ORC3: variants seen among roughly 807,000 people sequenced by gnomAD.
The protein encoded by ORC3 is origin recognition complex subunit 3.
ORC3 carries 78 observed loss-of-function variants against 100.7 expected under a neutral mutation model. The ratio of observed to expected loss-of-function variants is 0.77; its 90% CI spans 0.65 to 0.94. The LOEUF (loss-of-function observed/expected upper bound fraction) is 0.94. ORC3 is among the 40% of genes least tolerant of loss of function. The probability of loss-of-function intolerance (pLI) is 0.00; values close to 1 mark genes in which losing one functional copy is unlikely to be tolerated. For synonymous variants in ORC3, 295 were observed against 289.3 expected, an observed-to-expected ratio of 1.02 and a Z score of -0.20; for missense variants, 789 against 823.9, an observed-to-expected ratio of 0.96 and a Z score of 0.52.
intron 16 of ORC3, among the ~76,000 whole-genome samples, chr6:87,658,774 C>T (rs915936607): frequency 1.3e-5 from 2 of 152,142 alleles, no homozygotes; most frequent in African/African-American, 4.8e-5. Context: ...TGCCAGTGCA[C>T]CTCATTATCA....
chr6:87,605,668 C>T (rs1422846383), intron 4 of ORC3, among the ~76,000 whole-genome samples: 1 of 151,554 alleles, frequency 6.6e-6, no homozygotes, highest in Admixed American at 6.6e-5. Context: ...AAAAAAGAAG[C>T]TTTCAAGTGC....
In ORC3 at chr6:87,612,176, A is replaced by G. The variant is rs779345417; in HGVS notation, c.801A>G (p.Val267=). 2 of 1,613,542 alleles carry G rather than the reference A, an allele frequency of 1.2e-6. No homozygotes were observed. The highest frequency in any genetic ancestry group is 2.2e-5 in the East Asian group (1 of 44,796). ...TCCACCGATTGCTTCCTCATGCAGTATCATCTCTATTGTGCATAGAACTGT... is the reference window on the plus strand; with the variant it reads ...TCCACCGATTGCTTCCTCATGCAGTGTCATCTCTATTGTGCATAGAACTGT... ...IIIHRLLPHA[V]SSLLCIELFQ... The change falls in exon 8 of 20, where the codon GTA becomes GTG. Residue 267 remains valine, a synonymous_variant. Coordinates refer to ENST00000392844, the MANE Select transcript of ORC3 (RefSeq NM_012381.4).
At chr6:87,645,374 G>A (rs191772212) in intron 13 of ORC3, among the ~76,000 whole-genome samples, 2 of 152,238 alleles carry the variant, frequency 1.3e-5, no homozygotes, top group Non-Finnish European at 2.9e-5. Flanking sequence ...CTTAGGAGGC[G>A]ATACACATAC....
At chr6:87,598,131 G>C (rs1318756085) in intron 2 of ORC3, among the ~76,000 whole-genome samples, 2 of 152,100 alleles carry the variant, frequency 1.3e-5, no homozygotes, top group Non-Finnish European at 2.9e-5. Flanking sequence ...CTGGGCTCCG[G>C]GAATCCTCCT....
intron 13 of ORC3, among the ~76,000 whole-genome samples, chr6:87,646,010 G>T: frequency 1.4e-5 from 2 of 139,550 alleles, no homozygotes; most frequent in African/African-American, 2.7e-5. Flanking sequence ...TTTTTGAGGC[G>T]GAGTCTTGCG....
chr6:87,596,411 G>C (rs1396273673), intron 2 of ORC3, among the ~76,000 whole-genome samples: 1 of 151,480 alleles, frequency 6.6e-6, no homozygotes. Context: ...AGGATTACAG[G>C]TGTGAGTCAC....
chr6:87,615,902 C>A (rs1779120914), intron 8 of ORC3, among the ~76,000 whole-genome samples: 1 of 151,752 alleles, frequency 6.6e-6, no homozygotes, highest in Non-Finnish European at 1.5e-5. Flanking sequence ...GTTTCTCATT[C>A]AACAATACAT....
At chr6:87,591,994 G>A (rs893738667) in intron 1 of ORC3, among the ~76,000 whole-genome samples, 10 of 152,170 alleles carry the variant, frequency 6.6e-5, no homozygotes, top group African/African-American at 2.4e-4. Flanking sequence ...GCCTCCCAAA[G>A]TGCTAGGATT....
At chr6:87,626,787 CAAAA>C (rs11321781) in intron 11 of ORC3, among the ~76,000 whole-genome samples, 4 of 123,464 alleles carry the variant, frequency 3.2e-5, no homozygotes, top group Non-Finnish European at 3.5e-5. Flanking sequence ...ACTCTGTCTC[CAAAA>C]AAAAAAAAAA....
intron 2 of ORC3, chr6:87,594,650 G>A (rs1777296369): frequency 2.4e-6 from 2 of 843,672 alleles, no homozygotes; most frequent in Admixed American, 8.7e-5. Context: ...AGGATATGCT[G>A]CTATTCTTTA....
intron 17 of ORC3, among the ~76,000 whole-genome samples, chr6:87,663,820 A>G (rs759801515): frequency 3.3e-5 from 5 of 152,250 alleles, no homozygotes; most frequent in Non-Finnish European, 7.3e-5. Context: ...CTGTATATAC[A>G]TGAAAGAGTG....
At chr6:87,591,913 A>G (rs1265977986) in intron 1 of ORC3, among the ~76,000 whole-genome samples, 3 of 151,914 alleles carry the variant, frequency 2.0e-5, no homozygotes, top group African/African-American at 7.2e-5. Context: ...GTATTTTTAG[A>G]AGAGACAGGG....
intron 6 of ORC3, among the ~76,000 whole-genome samples, chr6:87,608,872 T>TAAAA (rs199631396): frequency 0.11 from 16,360 of 152,200 alleles, 929 homozygotes; most frequent in East Asian, 0.15. Flanking sequence ...AAATATTTCA[T>TAAAA]ATGAGTTATA....
intron 2 of ORC3, among the ~76,000 whole-genome samples, chr6:87,598,302 C>A (rs936290571): frequency 1.3e-5 from 2 of 152,150 alleles, no homozygotes; most frequent in African/African-American, 4.8e-5. Context: ...GGATTATAGA[C>A]CCAGACTGTT....
At chr6:87,614,023 C>G (rs984568601) in intron 8 of ORC3, among the ~76,000 whole-genome samples, 1 of 152,192 alleles carries the variant, frequency 6.6e-6, no homozygotes, top group African/African-American at 2.4e-5. Flanking sequence ...TGTGTGGGGA[C>G]TCCAACCCCA....
chr6:87,605,115 T>A (rs1778234130), intron 4 of ORC3, among the ~76,000 whole-genome samples: 1 of 152,208 alleles, frequency 6.6e-6, no homozygotes, highest in South Asian at 2.1e-4. Flanking sequence ...AAACTCTGAT[T>A]TGCAGAAATG....
At chr6:87,621,727 T>G (rs1353246337) in intron 10 of ORC3, among the ~76,000 whole-genome samples, 1 of 152,062 alleles carries the variant, frequency 6.6e-6, no homozygotes. Flanking sequence ...ATTCCTGGGG[T>G]TTATGGCCTT....
intron 13 of ORC3, among the ~76,000 whole-genome samples, chr6:87,639,980 G>C (rs939611355): frequency 3.3e-5 from 5 of 152,080 alleles, no homozygotes; most frequent in Non-Finnish European, 7.4e-5. Flanking sequence ...CTGGGTGACA[G>C]TGAGATTTCG....
chr6:87,619,854 A>G (rs1779411781), intron 9 of ORC3, among the ~76,000 whole-genome samples: 1 of 151,922 alleles, frequency 6.6e-6, no homozygotes, highest in Non-Finnish European at 1.5e-5. Context: ...TCAGTGGAAA[A>G]TATTGGTAAG....
Sources: allele counts gnomAD v4.1 joint callset (sites outside exome capture counted in the v4.1 genomes callset), GRCh38; gene constraint gnomAD v4.1.1; transcripts MANE v1.5; gene names NCBI Gene and HGNC (gene_info 2026-07-23, HGNC 2026-07-21).